Variants in MYRFL observed in about 807,000 individuals in gnomAD.
MYRFL encodes myelin regulatory factor-like protein.
MYRFL carries 88 observed loss-of-function variants against 109.4 expected under a neutral mutation model. The ratio of observed to expected loss-of-function variants is 0.80; its 90% CI spans 0.68 to 0.96. MYRFL has a LOEUF of 0.96. MYRFL is among the 40% of genes least tolerant of loss of function. MYRFL has a pLI of 0.00. For synonymous variants in MYRFL, 324 were observed against 320.9 expected, an observed-to-expected ratio of 1.01 and a Z score of -0.10; for missense variants, 957 against 954.9, an observed-to-expected ratio of 1.00 and a Z score of -0.03.
intron 2 of MYRFL, among the ~76,000 whole-genome samples, chr12:69,870,382 A>G (rs1229088334): frequency 6.6e-6 from 1 of 152,028 alleles, no homozygotes; most frequent in Non-Finnish European, 1.5e-5. Flanking sequence ...AGCTAGAGAC[A>G]GGGTTGGCCG....
chr12:69,877,027 T>TTTCTTTCTTTCTTTC (rs1885715465), intron 2 of MYRFL, among the ~76,000 whole-genome samples: 6 of 37,206 alleles, frequency 1.6e-4, no homozygotes, highest in African/African-American at 3.7e-4. Flanking sequence ...TTCTTTCTTT[T>TTTCTTTCTTTCTTTC]TTTTTTTTTT....
At position 69,936,570 on chromosome 12, in the gene MYRFL, T is replaced by C. The variant is rs1261654260; in HGVS notation, c.2162T>C (p.Val721Ala). Reference protein sequence around the residue: ...YCCPIRGMKEVSSSPVQRQSE... With the variant: ...YCCPIRGMKEASSSPVQRQSE... Reference sequence around the variant, plus strand: ...TGCCCCATCCGGGGAATGAAAGAAGTCTCTTCAAGTCCTGTGCAAAGACAA... The same window carrying C: ...TGCCCCATCCGGGGAATGAAAGAAGCCTCTTCAAGTCCTGTGCAAAGACAA... Residue 721 changes from valine to alanine, a missense_variant, in exon 19 of 25, where the codon GTC becomes GCC. Physicochemically the swap from Val to Ala is moderately conservative, Grantham distance 64. Transcript: ENST00000552032. The C allele has an allele frequency of 6.5e-7, 1 of 1,536,176 alleles. No individual in the cohort carries two copies. Among genetic ancestry groups the C allele is most frequent in the Non-Finnish European group, 8.7e-7 (1 of 1,146,924 alleles).
intron 1 of MYRFL, among the ~76,000 whole-genome samples, chr12:69,832,981 T>C (rs535973280): frequency 2.7e-4 from 33 of 120,940 alleles, no homozygotes; most frequent in African/African-American, 9.1e-4. Context: ...TGTGTGTGTG[T>C]GTGTGTAATT....
At chr12:69,873,226 A>T (rs1426248628) in intron 2 of MYRFL, among the ~76,000 whole-genome samples, 2 of 152,282 alleles carry the variant, frequency 1.3e-5, no homozygotes, top group Non-Finnish European at 2.9e-5. Flanking sequence ...ATACACGAAG[A>T]TTAATGATAG....
intron 2 of MYRFL, among the ~76,000 whole-genome samples, chr12:69,859,665 A>G (rs1263419252): frequency 6.6e-6 from 1 of 152,214 alleles, no homozygotes; most frequent in East Asian, 1.9e-4. Flanking sequence ...AAACACATGA[A>G]AAAATGCTCA....
At chr12:69,858,527 C>T (rs1392944662) in intron 2 of MYRFL, among the ~76,000 whole-genome samples, 1 of 151,896 alleles carries the variant, frequency 6.6e-6, no homozygotes, top group East Asian at 1.9e-4. Context: ...TTAGTAGATT[C>T]AGGGCTATTT....
intron 2 of MYRFL, among the ~76,000 whole-genome samples, chr12:69,858,742 TAATC>T (rs1207056854): frequency 6.6e-6 from 1 of 151,922 alleles, no homozygotes; most frequent in Non-Finnish European, 1.5e-5. Flanking sequence ...CTTTTCTCCT[TAATC>T]AATGTGGACG....
chr12:69,924,563 A>G (rs1955012918), intron 13 of MYRFL, among the ~76,000 whole-genome samples: 2 of 152,126 alleles, frequency 1.3e-5, no homozygotes, highest in East Asian at 3.9e-4. Flanking sequence ...AATTTTCTCC[A>G]GGAGATCTGT....
intron 7 of MYRFL, among the ~76,000 whole-genome samples, chr12:69,891,637 T>TTTTCTTTTTCTTTCTTTCTTTCTTTC (rs1886865615): frequency 5.6e-5 from 3 of 53,784 alleles, no homozygotes; most frequent in African/African-American, 1.7e-4. Context: ...CTTCCTTTCT[T>TTTTCTTTTTCTTTCTTTCTTTCTTTC]TTTCTTTCTT....
intron 14 of MYRFL, 51 bp downstream of exon 14, chr12:69,926,785 C>T (rs1045043426): frequency 2.8e-5 from 37 of 1,329,046 alleles, no homozygotes; most frequent in Non-Finnish European, 3.2e-5. Flanking sequence ...AGAGAGTGAG[C>T]TCTTTCCAGA....
At chr12:69,829,233 G>C (rs576125724) in intron 1 of MYRFL, among the ~76,000 whole-genome samples, 1 of 152,152 alleles carries the variant, frequency 6.6e-6, no homozygotes, top group South Asian at 2.1e-4. Flanking sequence ...AAAAAGCTTT[G>C]AACATTTTCT....
At chr12:69,853,018 C>G (rs557823954) in intron 1 of MYRFL, among the ~76,000 whole-genome samples, 1 of 152,256 alleles carries the variant, frequency 6.6e-6, no homozygotes, top group Non-Finnish European at 1.5e-5. Context: ...TCTGATTTCT[C>G]TTTCTTTTCC....
At chr12:69,922,045 G>A (rs945693392) in intron 13 of MYRFL, among the ~76,000 whole-genome samples, 3 of 152,132 alleles carry the variant, frequency 2.0e-5, no homozygotes, top group Admixed American at 1.3e-4. Flanking sequence ...TAGTGTCAGT[G>A]AGGATGGAGA....
At chr12:69,861,800 G>A (rs1341295423) in intron 2 of MYRFL, among the ~76,000 whole-genome samples, 5 of 150,430 alleles carry the variant, frequency 3.3e-5, no homozygotes, top group Admixed American at 3.3e-4. Flanking sequence ...TGCTTTTGGT[G>A]TTTTAGACAT....
chr12:69,930,204 G>A (rs1955225956), intron 15 of MYRFL, among the ~76,000 whole-genome samples: 1 of 152,096 alleles, frequency 6.6e-6, no homozygotes, highest in Non-Finnish European at 1.5e-5. Context: ...GGGGTAGGGT[G>A]GGGGTCTTGT....
intron 13 of MYRFL, among the ~76,000 whole-genome samples, chr12:69,925,598 G>A (rs1236459836): frequency 1.3e-5 from 2 of 152,120 alleles, no homozygotes; most frequent in Non-Finnish European, 2.9e-5. Flanking sequence ...GGGTTGGAAT[G>A]TGAGTTGATA....
At chr12:69,921,907 G>A (rs982535872) in intron 13 of MYRFL, among the ~76,000 whole-genome samples, 2 of 150,670 alleles carry the variant, frequency 1.3e-5, no homozygotes, top group Non-Finnish European at 3.0e-5. Flanking sequence ...AACTTTCTGC[G>A]GTTTAGAGGG....
At position 69,850,502 on chromosome 12, in the gene MYRFL, C is replaced by G. The variant is rs149450412; in HGVS notation, c.47-4778C>G. Among the ~76,000 whole-genome samples the G allele has an allele frequency of 2.3e-3, 345 of 151,806 alleles. 1 individual carries two copies. Among genetic ancestry groups the G allele is most frequent in the African/African-American group, 7.9e-3 (328 of 41,398 alleles). ...AACTATCAGTTCTAAAGGATTCTTC[C>G]AAGATTAAGGAAAGGGGATTTAGAA... On this transcript the variant is annotated intron_variant, in intron 1 of 24. Coordinates refer to ENST00000552032, the MANE Select transcript of MYRFL (RefSeq NM_182530.3).
intron 2 of MYRFL, among the ~76,000 whole-genome samples, chr12:69,864,646 C>G (rs1884901894): frequency 4.9e-5 from 1 of 20,504 alleles, no homozygotes. Flanking sequence ...TACACACACA[C>G]ACACACACAC....
Sources: allele counts gnomAD v4.1 joint callset (sites outside exome capture counted in the v4.1 genomes callset), GRCh38; gene constraint gnomAD v4.1.1; transcripts MANE v1.5; gene names NCBI Gene and HGNC (gene_info 2026-07-23, HGNC 2026-07-21).